OPN5: variants seen among roughly 807,000 people sequenced by gnomAD.
OPN5 encodes the protein opsin-5.
In OPN5, 18 loss-of-function variants were observed where a neutral mutation model predicts 41.7. The observed-to-expected ratio is 0.43, with a 90% CI of 0.30 to 0.64. OPN5 has a LOEUF of 0.64. OPN5 is among the 30% of genes least tolerant of loss of function. The pLI, the probability that OPN5 is intolerant of heterozygous loss-of-function variation, is 0.13. For missense variants in OPN5, 318 were observed against 434.5 expected (o/e 0.73, Z 2.38); for synonymous variants, 178 against 164.3 (o/e 1.08, Z -0.64).
At chr6:47,811,306 C>T (rs1452278452) in intron 5 of OPN5, among the ~76,000 whole-genome samples, 2 of 152,076 alleles carry the variant, frequency 1.3e-5, no homozygotes, top group African/African-American at 4.8e-5. Context: ...TCAAACCTCC[C>T]CTGACCACCT....
At chr6:47,814,775 T>C (rs1201496678) in intron 6 of OPN5, among the ~76,000 whole-genome samples, 1 of 152,172 alleles carries the variant, frequency 6.6e-6, no homozygotes, top group Admixed American at 6.5e-5. Context: ...AGAAAAGATA[T>C]ATTGCATTTT....
At chr6:47,794,015 A>G (rs62397905) in intron 3 of OPN5, among the ~76,000 whole-genome samples, 6,547 of 152,246 alleles carry the variant, frequency 0.043, 219 homozygotes, top group Middle Eastern at 0.11. Flanking sequence ...GTATAGAAAC[A>G]ATCTGTTATA....
At chr6:47,799,461 G>C (rs1472472774) in intron 4 of OPN5, among the ~76,000 whole-genome samples, 1 of 152,088 alleles carries the variant, frequency 6.6e-6, no homozygotes, top group Non-Finnish European at 1.5e-5. Flanking sequence ...CTTGGTCTGG[G>C]TGTTGTCATT....
At chr6:47,790,844 C>A (rs1421001372) in intron 2 of OPN5, among the ~76,000 whole-genome samples, 1 of 152,112 alleles carries the variant, frequency 6.6e-6, no homozygotes, top group Non-Finnish European at 1.5e-5. Flanking sequence ...CTTTCCCCTC[C>A]CAAACCCTTT....
intron 4 of OPN5, among the ~76,000 whole-genome samples, chr6:47,802,003 G>A (rs1561897561): frequency 1.3e-5 from 2 of 152,182 alleles, no homozygotes; most frequent in Non-Finnish European, 2.9e-5. Context: ...GTCAATGTGT[G>A]TTTTTTATTT....
intron 4 of OPN5, among the ~76,000 whole-genome samples, chr6:47,799,693 T>C (rs1236388812): frequency 6.6e-6 from 1 of 152,194 alleles, no homozygotes; most frequent in East Asian, 1.9e-4. Context: ...TTCACATCCC[T>C]GAGAGTTCTG....
chr6:47,813,136 T>G (rs1280391014), intron 6 of OPN5, among the ~76,000 whole-genome samples: 1 of 152,114 alleles, frequency 6.6e-6, no homozygotes, highest in East Asian at 1.9e-4. Flanking sequence ...TGCTTGGGGC[T>G]TATGCCTGCA....
intron 3 of OPN5, among the ~76,000 whole-genome samples, chr6:47,792,981 CG>C (rs1223467506): frequency 1.8e-5 from 1 of 56,326 alleles, no homozygotes; most frequent in South Asian, 6.6e-4. Context: ...TCCAGCACTA[CG>C]TTTTTTTTTT....
At chr6:47,822,551 A>T (rs1471651690) in intron 6 of OPN5, among the ~76,000 whole-genome samples, 1 of 152,210 alleles carries the variant, frequency 6.6e-6, no homozygotes, top group Non-Finnish European at 1.5e-5. Flanking sequence ...ATGGGTGCCC[A>T]GTTTAGTTCC....
intron 4 of OPN5, among the ~76,000 whole-genome samples, chr6:47,804,532 C>A (rs1035045023): frequency 2.0e-5 from 3 of 152,056 alleles, no homozygotes; most frequent in South Asian, 2.1e-4. Context: ...TGAAAACTTT[C>A]GTGGCCTATA....
At chr6:47,822,903 C>T (rs968681891) in intron 6 of OPN5, among the ~76,000 whole-genome samples, 2 of 152,214 alleles carry the variant, frequency 1.3e-5, no homozygotes, top group African/African-American at 4.8e-5. Context: ...CTAATCTGTT[C>T]TAGATAATCC....
chr6:47,784,026 C>T (rs1224733612), intron 1 of OPN5, among the ~76,000 whole-genome samples: 3 of 152,160 alleles, frequency 2.0e-5, no homozygotes, highest in Non-Finnish European at 4.4e-5. Context: ...ACCTGATACA[C>T]ATGGAGTTGG....
At chr6:47,806,989 C>A (rs1581748175) in intron 4 of OPN5, among the ~76,000 whole-genome samples, 1 of 152,234 alleles carries the variant, frequency 6.6e-6, no homozygotes, top group East Asian at 1.9e-4. Context: ...GAAACCCTGT[C>A]TCTACAAAAA....
intron 5 of OPN5, among the ~76,000 whole-genome samples, chr6:47,809,670 G>A (rs1360071556): frequency 6.6e-6 from 1 of 152,186 alleles, no homozygotes; most frequent in African/African-American, 2.4e-5. Flanking sequence ...AAATTGATGT[G>A]TGAAAAGATC....
intron 6 of OPN5, among the ~76,000 whole-genome samples, chr6:47,814,165 T>G (rs1762358612): frequency 6.6e-6 from 1 of 152,090 alleles, no homozygotes; most frequent in African/African-American, 2.4e-5. Flanking sequence ...GAAGGAGGTT[T>G]TTTTTTTCCT....
exon 4 of OPN5, chr6:47,795,392 G>C (rs1387559020): frequency 4.3e-6 from 7 of 1,614,120 alleles, no homozygotes; most frequent in Non-Finnish European, 5.9e-6. Context: ...CCTCGGTAGG[G>C]GGCCAGGTTT....
intron 6 of OPN5, among the ~76,000 whole-genome samples, chr6:47,818,622 A>G (rs1439692235): frequency 6.6e-6 from 1 of 152,166 alleles, no homozygotes; most frequent in East Asian, 1.9e-4. Flanking sequence ...ATGGTGATGA[A>G]ACCACACACT....
chr6:47,809,113 C>G (rs1448728689), intron 5 of OPN5, among the ~76,000 whole-genome samples: 2 of 152,070 alleles, frequency 1.3e-5, no homozygotes, highest in Admixed American at 1.3e-4. Flanking sequence ...ACCCAAAAGG[C>G]TCAGGGTGAG....
chr6:47,783,200 C>T (rs1187814831), intron 1 of OPN5, among the ~76,000 whole-genome samples: 1 of 151,948 alleles, frequency 6.6e-6, no homozygotes, highest in Non-Finnish European at 1.5e-5. Flanking sequence ...AATTTAACCA[C>T]CTATTTAAAT....
Sources: allele counts gnomAD v4.1 joint callset (sites outside exome capture counted in the v4.1 genomes callset), GRCh38; gene constraint gnomAD v4.1.1; transcripts MANE v1.5; gene names NCBI Gene and HGNC (gene_info 2026-07-23, HGNC 2026-07-21).